The following PLEKHA1 variants were observed in gnomAD, a reference collection of about 807,000 sequenced individuals.
PLEKHA1 encodes the protein pleckstrin homology domain-containing family A member 1.
In PLEKHA1, 34 loss-of-function variants were observed where a neutral mutation model predicts 52.0. The observed-to-expected ratio is 0.65, with a 90% confidence interval of 0.50 to 0.87. PLEKHA1 has a LOEUF of 0.87. Ranked by LOEUF, PLEKHA1 falls within the 40% of genes least tolerant of loss-of-function variation. The pLI is 0.00. For synonymous variants in PLEKHA1, 163 were observed against 170.7 expected (o/e 0.95, Z 0.35); for missense variants, 497 against 504.2 (o/e 0.99, Z 0.14).
Position 122,412,978 on chromosome 10 carries a change from G to A in PLEKHA1, c.401G>A (p.Cys134Tyr), listed in dbSNP as rs761231016. 12 of 1,613,430 alleles carry A rather than the reference G, an allele frequency of 7.4e-6. No individual in the cohort carries two copies. Among genetic ancestry groups the A allele is most frequent in the Non-Finnish European group, 1.0e-5 (12 of 1,179,652 alleles). ...NSDNLSRHGE[C>Y]GKKQVSYRTD... ...GATAACCTAAGTCGCCATGGTGAAT[G>A]TGGGAAAAAGCAAGTGTCTTACAGA... Residue 134 changes from cysteine to tyrosine, a missense_variant, in exon 6 of 12, where the codon TGT becomes TAT. Transcript: ENST00000368990.
chr10:122,383,519 T>A (rs1040541668), intron 1 of PLEKHA1, among the ~76,000 whole-genome samples: 3 of 150,984 alleles, frequency 2.0e-5, no homozygotes, highest in African/African-American at 7.3e-5. Flanking sequence ...AGATAATGTC[T>A]TGTCATTTTG....
At chr10:122,427,168 A>T (rs1476562468) in intron 11 of PLEKHA1, 137 bp downstream of exon 11, 3 of 730,802 alleles carry the variant, frequency 4.1e-6, no homozygotes, top group Non-Finnish European at 4.4e-6. Context: ...TTGGACTTGC[A>T]AAAAATAATG....
At position 122,404,953 on chromosome 10, in the gene PLEKHA1, G is replaced by A. The variant is rs146745389; in HGVS notation, c.245-1623G>A. 1.6e-3 allele frequency among the ~76,000 whole-genome samples: 248 copies of A among 152,250 alleles called. 1 individual carries two copies. The highest frequency in any genetic ancestry group is 8.7e-3 in the South Asian group (42 of 4,826). ...TATCTTTTAAAATTTTGGTGGAGAC[G>A]TTTGGAAGTTATTTTTATATTTGAA... On this transcript the variant is annotated intron_variant, in intron 4 of 11. Transcript: ENST00000368990.
intron 1 of PLEKHA1, among the ~76,000 whole-genome samples, chr10:122,379,584 C>G (rs1353872366): frequency 6.6e-6 from 1 of 152,212 alleles, no homozygotes; most frequent in African/African-American, 2.4e-5. Context: ...CCTGCGTTCT[C>G]CCTGAAGACT....
intron 3 of PLEKHA1, among the ~76,000 whole-genome samples, chr10:122,398,929 A>T (rs2096888551): frequency 6.6e-6 from 1 of 152,218 alleles, no homozygotes; most frequent in African/African-American, 2.4e-5. Flanking sequence ...TTTTTCTGTT[A>T]AGATCATACT....
intron 7 of PLEKHA1, chr10:122,416,855 A>T (rs1186381983): frequency 6.5e-6 from 1 of 153,212 alleles, no homozygotes; most frequent in East Asian, 1.9e-4. Flanking sequence ...GGCAACTCTT[A>T]ATTTTTTTAG....
intron 1 of PLEKHA1, among the ~76,000 whole-genome samples, chr10:122,390,313 T>A (rs1170980351): frequency 6.6e-6 from 1 of 152,234 alleles, no homozygotes; most frequent in Non-Finnish European, 1.5e-5. Flanking sequence ...AATAAAGCTG[T>A]TTCACTTACC....
chr10:122,389,604 G>A (rs760876770), intron 1 of PLEKHA1, among the ~76,000 whole-genome samples: 3 of 152,160 alleles, frequency 2.0e-5, no homozygotes, highest in Admixed American at 1.3e-4. Context: ...GGAGGCTGAG[G>A]CAGGCTGAGG....
At chr10:122,429,058 GAC>G (rs2097382920) in intron 11 of PLEKHA1, among the ~76,000 whole-genome samples, 1 of 152,100 alleles carries the variant, frequency 6.6e-6, no homozygotes, top group Admixed American at 6.6e-5. Flanking sequence ...AAAATGAAAA[GAC>G]TGTGCTATTA....
intron 5 of PLEKHA1, among the ~76,000 whole-genome samples, chr10:122,411,286 A>C (rs1308537900): frequency 6.6e-6 from 1 of 152,196 alleles, no homozygotes; most frequent in Non-Finnish European, 1.5e-5. Context: ...CAGGTGGAGA[A>C]GGAAGGGAGA....
In PLEKHA1 at chr10:122,429,495, TGTGTG is replaced by T. The variant is rs1038379575; in HGVS notation, c.901-128_901-124del. 1.8e-4 allele frequency: 9 copies of T among 49,698 alleles called. No homozygotes were observed. In the African/African-American group the frequency reaches 2.0e-3, roughly 11 times the overall value. The allele number at this position is 49,698 out of a possible 1,614,324, so 3.1% of individuals were successfully genotyped here. A position where few individuals can be genotyped will look rare whatever the true frequency, so the allele number is the denominator to read the frequency against. On this transcript the variant is annotated intron_variant, in intron 11 of 11. Coordinates refer to ENST00000368990, the MANE Select transcript of PLEKHA1 (RefSeq NM_001001974.4). Reference sequence around the variant, plus strand: ...GCTGCATGGCTTCTGCTGCTGCCTTTGTGTGTGTGTGTGTGTGTGTGTGTGTGTGT... The same window carrying T: ...GCTGCATGGCTTCTGCTGCTGCCTTTTGTGTGTGTGTGTGTGTGTGTGTGT...
intron 5 of PLEKHA1, among the ~76,000 whole-genome samples, chr10:122,411,598 T>A (rs1186906932): frequency 6.6e-6 from 1 of 152,128 alleles, no homozygotes; most frequent in Non-Finnish European, 1.5e-5. Context: ...AAAGTGCAGG[T>A]TTTTGGGCTG....
At chr10:122,399,501 T>G (rs1257200994) in intron 3 of PLEKHA1, among the ~76,000 whole-genome samples, 2 of 152,184 alleles carry the variant, frequency 1.3e-5, no homozygotes, top group East Asian at 3.8e-4. Context: ...TTTGATCTCC[T>G]CATAGCAGAT....
intron 5 of PLEKHA1, among the ~76,000 whole-genome samples, chr10:122,407,146 G>A (rs960588299): frequency 2.0e-5 from 3 of 152,128 alleles, no homozygotes; most frequent in Non-Finnish European, 4.4e-5. Context: ...GTTAGGGATA[G>A]GAATAGTGTC....
At chr10:122,396,105 T>A (rs1326890758) in intron 2 of PLEKHA1, among the ~76,000 whole-genome samples, 1 of 152,238 alleles carries the variant, frequency 6.6e-6, no homozygotes, top group African/African-American at 2.4e-5. Context: ...CTACTTAAAT[T>A]TCCCCATAGT....
chr10:122,438,521 C>T, the PLEKHA1 span: 4 of 152,218 alleles, frequency 2.6e-5, no homozygotes, highest in Non-Finnish European at 4.4e-5. Context: ...CTGAAAGTCT[C>T]TGCCTTAGTC....
chr10:122,424,002 C>T (rs1052756240), intron 8 of PLEKHA1, 197 bp from the exon 9 acceptor site: 2 of 651,556 alleles, frequency 3.1e-6, no homozygotes, highest in African/African-American at 1.9e-5. Flanking sequence ...TTGTTTCAAA[C>T]AACAGTGTAT....
chr10:122,401,093 C>T (rs2096921550), intron 4 of PLEKHA1, among the ~76,000 whole-genome samples: 1 of 152,164 alleles, frequency 6.6e-6, no homozygotes. Flanking sequence ...TCCTTTACCA[C>T]TGCAGAGAAA....
intron 8 of PLEKHA1, chr10:122,420,081 G>T (rs1216617631): frequency 6.6e-6 from 1 of 152,160 alleles, no homozygotes; most frequent in African/African-American, 2.4e-5. Context: ...CTGGCAGCTT[G>T]GGAGGAAATC....
Sources: gnomAD v4.1 joint callset for allele counts (sites outside exome capture counted in the v4.1 genomes callset) on GRCh38, gnomAD v4.1.1 for gene constraint, MANE v1.5 for transcripts, NCBI Gene and HGNC (gene_info 2026-07-23, HGNC 2026-07-21) for gene names.